The following SNCAIP variants were observed in gnomAD, a reference collection of about 807,000 sequenced individuals.
SNCAIP encodes synphilin-1.
In SNCAIP, 43 loss-of-function variants were observed where a neutral mutation model predicts 86.7. That is an observed-to-expected ratio of 0.50 (90% CI 0.39 to 0.64). The LOEUF is 0.64. Among genes scored for constraint, SNCAIP ranks in the 30% least tolerant of loss-of-function variants. The probability of loss-of-function intolerance (pLI) is 0.00; values close to 1 mark genes in which losing one functional copy is unlikely to be tolerated. For missense variants in SNCAIP, 981 were observed against 1,103.1 expected, an observed-to-expected ratio of 0.89 and a Z score of 1.57; for synonymous variants, 417 against 427.2, an observed-to-expected ratio of 0.98 and a Z score of 0.29.
At chr5:122,448,554 T>A (rs942576013) in intron 8 of SNCAIP, among the ~76,000 whole-genome samples, 1 of 144,436 alleles carries the variant, frequency 6.9e-6, no homozygotes, top group African/African-American at 2.6e-5. Context: ...CCTTCCATAT[T>A]TTTTATATAT....
intron 1 of SNCAIP, among the ~76,000 whole-genome samples, chr5:122,382,891 C>G (rs2152820603): frequency 6.6e-6 from 1 of 152,362 alleles, no homozygotes; most frequent in African/African-American, 2.4e-5. Flanking sequence ...AGGAGGCAGT[C>G]TGCCCGTTCT....
At chr5:122,433,896 A>G (rs1457636349) in intron 6 of SNCAIP, among the ~76,000 whole-genome samples, 3 of 152,176 alleles carry the variant, frequency 2.0e-5, no homozygotes, top group Non-Finnish European at 4.4e-5. Flanking sequence ...ATACAGTACA[A>G]TATTCTCTTG....
At chr5:122,333,285 C>T (rs1468912186) in intron 1 of SNCAIP, among the ~76,000 whole-genome samples, 3 of 152,164 alleles carry the variant, frequency 2.0e-5, no homozygotes, top group African/African-American at 7.2e-5. Context: ...TACCATAATG[C>T]GTACCATTCA....
intron 1 of SNCAIP, among the ~76,000 whole-genome samples, chr5:122,347,309 A>G (rs1419102370): frequency 1.3e-5 from 2 of 152,092 alleles, no homozygotes; most frequent in African/African-American, 2.4e-5. Flanking sequence ...AGTGATGGTC[A>G]TAACATCTTT....
Position 122,338,995 on chromosome 5 carries a change from G to A in SNCAIP, c.-47+26711G>A, listed in dbSNP as rs115864064. Among the ~76,000 whole-genome samples the A allele has an allele frequency of 3.4e-3, 512 of 152,236 alleles. 5 individuals are homozygous for A. The highest frequency in any genetic ancestry group is 0.012 in the African/African-American group (493 of 41,536). ...GATTCACATGCACCTCTGCTTCTAGGCCAGGGATTCCAAAGTTACGTGTAC... is the reference window on the plus strand; with the variant it reads ...GATTCACATGCACCTCTGCTTCTAGACCAGGGATTCCAAAGTTACGTGTAC... On this transcript the variant is annotated intron_variant, in intron 1 of 10. Coordinates refer to ENST00000261368, the MANE Select transcript of SNCAIP (RefSeq NM_005460.4).
chr5:122,417,185 C>A (rs1208107886), intron 3 of SNCAIP, among the ~76,000 whole-genome samples: 4 of 152,214 alleles, frequency 2.6e-5, no homozygotes, highest in Non-Finnish European at 2.9e-5. Flanking sequence ...TGTCCATTAT[C>A]TTCCTAAGAA....
intron 3 of SNCAIP, among the ~76,000 whole-genome samples, chr5:122,407,365 G>A (rs1343647040): frequency 6.6e-6 from 1 of 152,212 alleles, no homozygotes; most frequent in African/African-American, 2.4e-5. Context: ...AAAAACCAGT[G>A]TAGCTGCAGC....
chr5:122,347,154 T>C (rs1758772071), intron 1 of SNCAIP, among the ~76,000 whole-genome samples: 1 of 152,140 alleles, frequency 6.6e-6, no homozygotes, highest in Non-Finnish European at 1.5e-5. Flanking sequence ...AGTAGAACCT[T>C]CAAGAATCCA....
At chr5:122,394,934 G>A (rs1430870672) in intron 2 of SNCAIP, among the ~76,000 whole-genome samples, 1 of 152,142 alleles carries the variant, frequency 6.6e-6, no homozygotes, top group Admixed American at 6.6e-5. Flanking sequence ...GGCTTAGAGA[G>A]CTTGTCTGAC....
intron 1 of SNCAIP, among the ~76,000 whole-genome samples, chr5:122,325,584 T>C (rs1037226777): frequency 6.6e-6 from 1 of 152,200 alleles, no homozygotes; most frequent in Admixed American, 6.5e-5. Context: ...AACTCTCAAA[T>C]TGCATTTGAG....
chr5:122,429,039 A>G (rs1295983282), intron 5 of SNCAIP, among the ~76,000 whole-genome samples: 1 of 152,200 alleles, frequency 6.6e-6, no homozygotes, highest in Non-Finnish European at 1.5e-5. Context: ...TGGGATGTTC[A>G]TAAATATGTA....
At chr5:122,380,171 G>T (rs1054727825) in intron 1 of SNCAIP, among the ~76,000 whole-genome samples, 4 of 152,126 alleles carry the variant, frequency 2.6e-5, no homozygotes, top group African/African-American at 9.7e-5. Context: ...ATCTGGTCCT[G>T]TACTCTTTTT....
upstream of SNCAIP, chr5:122,311,434 G>C (rs1199517075): frequency 1.3e-5 from 2 of 152,480 alleles, no homozygotes; most frequent in Non-Finnish European, 1.5e-5. Flanking sequence ...GCGAGCTTCG[G>C]GGGGAGGGGT....
At chr5:122,356,368 C>G (rs1761019405) in intron 1 of SNCAIP, among the ~76,000 whole-genome samples, 2 of 152,074 alleles carry the variant, frequency 1.3e-5, no homozygotes, top group African/African-American at 2.4e-5. Context: ...TCCTTCTGCC[C>G]TGGCCTCCCA....
intron 1 of SNCAIP, among the ~76,000 whole-genome samples, chr5:122,315,753 CT>C (rs751541260): frequency 1.1e-4 from 16 of 152,016 alleles, no homozygotes; most frequent in Non-Finnish European, 1.9e-4. Flanking sequence ...TAGTCATATC[CT>C]TCTGACAGTG....
At chr5:122,420,944 T>A (rs1478087409) in intron 3 of SNCAIP, among the ~76,000 whole-genome samples, 1 of 152,234 alleles carries the variant, frequency 6.6e-6, no homozygotes, top group Non-Finnish European at 1.5e-5. Context: ...CCCTGTGAAA[T>A]TAAACTGTAA....
chr5:122,395,993 G>T (rs1309533751), intron 2 of SNCAIP, among the ~76,000 whole-genome samples: 3 of 152,068 alleles, frequency 2.0e-5, no homozygotes, highest in Non-Finnish European at 4.4e-5. Context: ...TGTAAGCCCT[G>T]CCCTTCCTAG....
intron 1 of SNCAIP, among the ~76,000 whole-genome samples, chr5:122,341,787 C>A (rs1322911828): frequency 6.6e-6 from 1 of 152,044 alleles, no homozygotes; most frequent in Non-Finnish European, 1.5e-5. Context: ...CCCCTAGTAC[C>A]CTGCAAATGT....
chr5:122,339,713 T>C (rs1561538709), intron 1 of SNCAIP, among the ~76,000 whole-genome samples: 1 of 152,248 alleles, frequency 6.6e-6, no homozygotes, highest in Non-Finnish European at 1.5e-5. Context: ...TAACAGAAAA[T>C]GTAAATGCTA....
Sources: allele counts gnomAD v4.1 joint callset (sites outside exome capture counted in the v4.1 genomes callset), GRCh38; gene constraint gnomAD v4.1.1; transcripts MANE v1.5; gene names NCBI Gene and HGNC (gene_info 2026-07-23, HGNC 2026-07-21).